Variants in PDE1C observed in about 807,000 individuals in gnomAD.
PDE1C encodes dual specificity calcium/calmodulin-dependent 3',5'-cyclic nucleotide phosphodiesterase 1C.
PDE1C carries 62 observed loss-of-function variants against 93.1 expected under a neutral mutation model. That is an observed-to-expected ratio of 0.67 (90% CI 0.54 to 0.82). The LOEUF (loss-of-function observed/expected upper bound fraction) is 0.82, where lower values mean the gene tolerates loss of function less well. Among genes scored for constraint, PDE1C ranks in the 40% least tolerant of loss-of-function variants. PDE1C has a pLI of 0.00. For synonymous variants in PDE1C, 325 were observed against 310.1 expected, an observed-to-expected ratio of 1.05 and a Z score of -0.50; for missense variants, 742 against 884.6, an observed-to-expected ratio of 0.84 and a Z score of 2.04.
At chr7:31,966,377 G>A (rs1428078551) in intron 2 of PDE1C, among the ~76,000 whole-genome samples, 1 of 152,160 alleles carries the variant, frequency 6.6e-6, no homozygotes, top group African/African-American at 2.4e-5. Context: ...ATTACATAAT[G>A]GTAAAGGGAT....
intron 1 of PDE1C, among the ~76,000 whole-genome samples, chr7:32,237,013 C>T (rs1175279707): frequency 6.7e-6 from 1 of 149,582 alleles, no homozygotes; most frequent in African/African-American, 2.5e-5. Context: ...ATCTTGTAGG[C>T]ATTATTCTGA....
chr7:32,124,872 G>A (rs150722383), intron 3 of PDE1C, among the ~76,000 whole-genome samples: 325 of 152,156 alleles, frequency 2.1e-3, no homozygotes, highest in African/African-American at 7.4e-3. Flanking sequence ...ATTGACAAAC[G>A]CAATCTAATT....
chr7:32,353,891 A>G (rs1222835939), intron 1 of PDE1C, among the ~76,000 whole-genome samples: 1 of 152,178 alleles, frequency 6.6e-6, no homozygotes, highest in Non-Finnish European at 1.5e-5. Flanking sequence ...CATGACATCA[A>G]TACAATCTCC....
chr7:32,198,591 T>C (rs1470330322), intron 2 of PDE1C, among the ~76,000 whole-genome samples: 1 of 152,158 alleles, frequency 6.6e-6, no homozygotes, highest in Non-Finnish European at 1.5e-5. Flanking sequence ...AGATGGCAGC[T>C]AGAGTGCTAA....
chr7:31,758,885 C>T (rs1794651212), intron 17 of PDE1C, among the ~76,000 whole-genome samples: 1 of 152,150 alleles, frequency 6.6e-6, no homozygotes. Flanking sequence ...CTCTTCAAGT[C>T]ACCGTCCCTC....
At chr7:32,263,074 C>G (rs527345737) in intron 1 of PDE1C, among the ~76,000 whole-genome samples, 1 of 152,182 alleles carries the variant, frequency 6.6e-6, no homozygotes, top group African/African-American at 2.4e-5. Flanking sequence ...ATATGAGGAT[C>G]TCCCGGAATG....
At chr7:31,845,643 G>A (rs193056649) in intron 9 of PDE1C, among the ~76,000 whole-genome samples, 81 of 151,974 alleles carry the variant, frequency 5.3e-4, no homozygotes, top group Admixed American at 1.7e-3. Flanking sequence ...TTCTGCACAC[G>A]TATCCCAGAA....
At chr7:31,768,126 T>G (rs6953778) in intron 17 of PDE1C, among the ~76,000 whole-genome samples, 48,201 of 152,134 alleles carry the variant, frequency 0.32, 7,896 homozygotes, top group Admixed American at 0.37. Context: ...TCTAAATAGC[T>G]TGTTTAATCA....
intron 16 of PDE1C, among the ~76,000 whole-genome samples, chr7:31,781,083 A>T (rs926899374): frequency 6.6e-6 from 1 of 152,246 alleles, no homozygotes; most frequent in Admixed American, 6.5e-5. Context: ...AATCCAATTC[A>T]TCAAGAGTGT....
At chr7:31,745,643 G>T in the PDE1C span, among the ~76,000 whole-genome samples, 1 of 152,098 alleles carries the variant, frequency 6.6e-6, no homozygotes, top group African/African-American at 2.4e-5. Context: ...AAGGCAAAAG[G>T]CAAGTAAAAG....
At chr7:32,206,682 G>A (rs1171716490) in intron 2 of PDE1C, among the ~76,000 whole-genome samples, 3 of 152,204 alleles carry the variant, frequency 2.0e-5, no homozygotes, top group Admixed American at 6.5e-5. Flanking sequence ...CCCATGTGAG[G>A]TGCCCACCAT....
chr7:32,268,848 T>C (rs10241933), intron 1 of PDE1C, among the ~76,000 whole-genome samples: 6,309 of 152,230 alleles, frequency 0.041, 477 homozygotes, highest in African/African-American at 0.14. Flanking sequence ...AATGCATGCA[T>C]ATGAAAGAAT....
At chr7:32,325,268 C>T (rs111558826) in intron 1 of PDE1C, among the ~76,000 whole-genome samples, 1 of 152,244 alleles carries the variant, frequency 6.6e-6, no homozygotes, top group South Asian at 2.1e-4. Context: ...ATGGCCACTG[C>T]CTGAAGATCT....
At chr7:31,698,504 C>G in the PDE1C span, among the ~76,000 whole-genome samples, 7 of 152,166 alleles carry the variant, frequency 4.6e-5, no homozygotes, top group Non-Finnish European at 8.8e-5. Context: ...TTCTACATAC[C>G]AGCTTTTCTA....
At chr7:31,823,010 T>C in intron 14 of PDE1C, 63 bp downstream of exon 14, 2 of 1,373,850 alleles carry the variant, frequency 1.5e-6, no homozygotes, top group South Asian at 1.5e-5. Context: ...GTAACACACA[T>C]AACTCAGAGA....
At position 32,139,902 on chromosome 7, in the gene PDE1C, G is replaced by A. The variant is rs32315; in HGVS notation, c.308+29883C>T. ...AACAGCCATATTGTGACTGTGAGGA[G>A]AGCTGGTCTAAGGCCTAACCATCAT... On this transcript the variant is annotated intron_variant, in intron 3 of 18. Coordinates refer to the PDE1C transcript ENST00000396193. Among the ~76,000 whole-genome samples the A allele has an allele frequency of 8.9e-3, 959 of 108,052 alleles. 9 individuals carry two copies. Among genetic ancestry groups the A allele is most frequent in the African/African-American group, 0.032 (906 of 28,200 alleles). 70.9% of individuals were successfully genotyped at this position (108,052 alleles called of 152,430 possible).
chr7:32,149,191 C>T (rs562872310), intron 3 of PDE1C, among the ~76,000 whole-genome samples: 2 of 152,298 alleles, frequency 1.3e-5, no homozygotes, highest in African/African-American at 2.4e-5. Flanking sequence ...TCCTCCCCAA[C>T]GTCCTATGTC....
chr7:31,735,062 C>T, the PDE1C span, among the ~76,000 whole-genome samples: 2 of 152,150 alleles, frequency 1.3e-5, no homozygotes, highest in Non-Finnish European at 2.9e-5. Flanking sequence ...TTCATTTTTA[C>T]AAGATCCATA....
intron 16 of PDE1C, among the ~76,000 whole-genome samples, chr7:31,808,092 G>C (rs1787080404): frequency 6.6e-6 from 1 of 152,018 alleles, no homozygotes; most frequent in Admixed American, 6.6e-5. Flanking sequence ...AGCTAAAGGG[G>C]CTGCTTCCTT....
Sources: gnomAD v4.1 joint callset for allele counts (sites outside exome capture counted in the v4.1 genomes callset) on GRCh38, gnomAD v4.1.1 for gene constraint, MANE v1.5 for transcripts, NCBI Gene and HGNC (gene_info 2026-07-23, HGNC 2026-07-21) for gene names.